VPS13B: variants seen among roughly 807,000 people sequenced by gnomAD.
The protein encoded by VPS13B is intermembrane lipid transfer protein VPS13B.
In VPS13B, 285 loss-of-function variants were observed where a neutral mutation model predicts 426.4. That is an observed-to-expected ratio of 0.67 (90% CI 0.61 to 0.74). The LOEUF (loss-of-function observed/expected upper bound fraction) is 0.74. VPS13B is among the 30% of genes least tolerant of loss of function. The pLI, the probability that VPS13B is intolerant of heterozygous loss-of-function variation, is 0.00. For missense variants in VPS13B, 4,537 were observed against 4,782.6 expected, an observed-to-expected ratio of 0.95 and a Z score of 1.51; for synonymous variants, 1,676 against 1,676.4, an observed-to-expected ratio of 1.00 and a Z score of 0.01.
At chr8:99,806,342 G>T (rs1269589781) in intron 43 of VPS13B, among the ~76,000 whole-genome samples, 3 of 152,152 alleles carry the variant, frequency 2.0e-5, no homozygotes, top group African/African-American at 7.2e-5. Flanking sequence ...TTTGGCATGG[G>T]AAGGAACTAT....
At chr8:99,408,741 G>A (rs893706931) in intron 21 of VPS13B, among the ~76,000 whole-genome samples, 2 of 152,128 alleles carry the variant, frequency 1.3e-5, no homozygotes, top group African/African-American at 4.8e-5. Flanking sequence ...CCTCTAAGAA[G>A]AAAGTGTTTG....
chr8:99,469,523 T>C (rs1819289229), intron 24 of VPS13B, among the ~76,000 whole-genome samples: 1 of 152,118 alleles, frequency 6.6e-6, no homozygotes, highest in Admixed American at 6.6e-5. Flanking sequence ...TGACACTAAA[T>C]ATTTCAGTTT....
chr8:99,164,744 C>G (rs35516293), intron 15 of VPS13B, among the ~76,000 whole-genome samples: 44 of 152,110 alleles, frequency 2.9e-4, no homozygotes, highest in Non-Finnish European at 5.4e-4. Flanking sequence ...TTAACTCTCT[C>G]TTTAACTTTC....
intron 21 of VPS13B, among the ~76,000 whole-genome samples, chr8:99,418,488 TTTC>T (rs1816171294): frequency 6.7e-6 from 1 of 148,276 alleles, no homozygotes; most frequent in South Asian, 2.1e-4. Context: ...TCTTTCTTTC[TTTC>T]TTTCTTTCTT....
chr8:99,280,944 C>A (rs1819140444), intron 19 of VPS13B, among the ~76,000 whole-genome samples: 1 of 152,074 alleles, frequency 6.6e-6, no homozygotes, highest in African/African-American at 2.4e-5. Context: ...TCTATTCAAT[C>A]CTTAGTCTCT....
intron 29 of VPS13B, among the ~76,000 whole-genome samples, chr8:99,519,892 T>C (rs1157948177): frequency 1.3e-5 from 2 of 152,084 alleles, no homozygotes; most frequent in Admixed American, 6.5e-5. Flanking sequence ...ATGGCACATG[T>C]ATACATATGT....
At chr8:99,332,877 T>A (rs564057345) in intron 19 of VPS13B, among the ~76,000 whole-genome samples, 25 of 151,706 alleles carry the variant, frequency 1.6e-4, no homozygotes, top group African/African-American at 2.7e-4. Flanking sequence ...TTGGCTCACA[T>A]GTTTTTTTAT....
At chr8:99,109,953 CT>C (rs1192087714) in intron 5 of VPS13B, among the ~76,000 whole-genome samples, 1 of 151,126 alleles carries the variant, frequency 6.6e-6, no homozygotes, top group Non-Finnish European at 1.5e-5. Flanking sequence ...TACAGGATAT[CT>C]TTTTTTTTCT....
chr8:99,649,625 T>TAC (rs57697283), intron 34 of VPS13B, among the ~76,000 whole-genome samples: 13,527 of 146,338 alleles, frequency 0.092, 698 homozygotes, highest in African/African-American at 0.15. Context: ...CCCCTCTACA[T>TAC]ACACACACAC....
chr8:99,041,457 T>C (rs1842958165), intron 3 of VPS13B, among the ~76,000 whole-genome samples: 2 of 152,232 alleles, frequency 1.3e-5, no homozygotes, highest in Non-Finnish European at 2.9e-5. Context: ...TCCTTTTTCA[T>C]ATTCTTTTTT....
At chr8:99,455,775 C>T (rs1418621972) in intron 23 of VPS13B, among the ~76,000 whole-genome samples, 2 of 152,074 alleles carry the variant, frequency 1.3e-5, no homozygotes, top group Non-Finnish European at 2.9e-5. Context: ...TTTTGGTGTT[C>T]TTCCATGATG....
intron 24 of VPS13B, among the ~76,000 whole-genome samples, chr8:99,478,447 G>GTTTTTTTTTTTTTTTTTTTTTTTTTTTT (rs56261645): frequency 7.0e-5 from 6 of 85,776 alleles, no homozygotes; most frequent in South Asian, 3.7e-4. Context: ...TTTTTGTTTT[G>GTTTTTTTTTTTTTTTTTTTTTTTTTTTT]TTTTTTTTTT....
chr8:99,625,022 T>C (rs1247768310), intron 33 of VPS13B, among the ~76,000 whole-genome samples: 4 of 151,808 alleles, frequency 2.6e-5, no homozygotes, highest in Non-Finnish European at 5.9e-5. Flanking sequence ...ACGGAGTTTC[T>C]CCATGTTGGT....
At chr8:99,657,566 A>G (rs1400655416) in intron 34 of VPS13B, among the ~76,000 whole-genome samples, 1 of 151,480 alleles carries the variant, frequency 6.6e-6, no homozygotes, top group East Asian at 1.9e-4. Context: ...TCACTGATCA[A>G]TATATTTTTA....
intron 3 of VPS13B, among the ~76,000 whole-genome samples, chr8:99,055,200 G>T (rs909903408): frequency 4.6e-5 from 7 of 151,950 alleles, no homozygotes; most frequent in South Asian, 2.1e-4. Flanking sequence ...CAGCATGTTT[G>T]TCTAACTTTT....
chr8:99,465,017 C>T (rs1282291657), intron 23 of VPS13B, among the ~76,000 whole-genome samples: 2 of 152,038 alleles, frequency 1.3e-5, no homozygotes, highest in South Asian at 2.1e-4. Flanking sequence ...AATATTTTCT[C>T]TAAAATGAAA....
intron 19 of VPS13B, among the ~76,000 whole-genome samples, chr8:99,278,547 A>G (rs1001625551): frequency 2.0e-5 from 3 of 152,346 alleles, no homozygotes; most frequent in East Asian, 1.9e-4. Context: ...TAGAAGTTCA[A>G]TGACTTGTCC....
At chr8:99,140,613 TCTC>T (rs968165533) in intron 12 of VPS13B, among the ~76,000 whole-genome samples, 1 of 145,786 alleles carries the variant, frequency 6.9e-6, no homozygotes, top group African/African-American at 2.5e-5. Flanking sequence ...CCCCTTCTCT[TCTC>T]CTCCTCTCCT....
intron 34 of VPS13B, among the ~76,000 whole-genome samples, chr8:99,645,158 C>A (rs1172900003): frequency 6.6e-6 from 1 of 152,138 alleles, no homozygotes; most frequent in South Asian, 2.1e-4. Flanking sequence ...GCAAAAGATT[C>A]CTGTCTAAGT....
Sources: allele counts gnomAD v4.1 joint callset (sites outside exome capture counted in the v4.1 genomes callset), GRCh38; gene constraint gnomAD v4.1.1; transcripts MANE v1.5; gene names NCBI Gene and HGNC (gene_info 2026-07-23, HGNC 2026-07-21).